CDKN2B-AS1: variants seen among roughly 807,000 people sequenced by gnomAD.
CDKN2B-AS1 encodes the protein CDKN2B antisense RNA 1 (non-protein coding).
At chr9:22,048,240 T>C (rs562090902) in intron 2 of CDKN2B-AS1, among the ~76,000 whole-genome samples, 6 of 152,246 alleles carry the variant, frequency 3.9e-5, no homozygotes, top group Non-Finnish European at 8.8e-5. Context: ...TCAGCAGAAG[T>C]GTGTGCCTCT....
chr9:22,067,163 T>G (rs1334792647), intron 4 of CDKN2B-AS1, among the ~76,000 whole-genome samples: 1 of 152,086 alleles, frequency 6.6e-6, no homozygotes, highest in South Asian at 2.1e-4. Flanking sequence ...TGTATACATA[T>G]GTAATAAACC....
chr9:22,048,926 T>C (rs1823221687), intron 2 of CDKN2B-AS1, among the ~76,000 whole-genome samples: 1 of 152,198 alleles, frequency 6.6e-6, no homozygotes, highest in African/African-American at 2.4e-5. Context: ...GTGAGACAAG[T>C]GAAATAATCC....
At chr9:22,028,580 A>G (rs1822335825) in intron 1 of CDKN2B-AS1, among the ~76,000 whole-genome samples, 1 of 152,178 alleles carries the variant, frequency 6.6e-6, no homozygotes, top group African/African-American at 2.4e-5. Flanking sequence ...ATGTGGTTAT[A>G]TAGCTAGGCA....
chr9:22,047,290 CATT>C (rs1322687288), intron 2 of CDKN2B-AS1, among the ~76,000 whole-genome samples: 25 of 152,134 alleles, frequency 1.6e-4, no homozygotes, highest in African/African-American at 5.8e-4. Flanking sequence ...AGGAGACACT[CATT>C]ATTTGCATCC....
chr9:22,026,696 G>C (rs1250692513), intron 1 of CDKN2B-AS1, among the ~76,000 whole-genome samples: 1 of 152,182 alleles, frequency 6.6e-6, no homozygotes, highest in East Asian at 1.9e-4. Context: ...GTATGTTTGG[G>C]GGTCTAACCT....
intron 4 of CDKN2B-AS1, among the ~76,000 whole-genome samples, chr9:22,102,255 G>A (rs1186433444): frequency 1.3e-5 from 2 of 152,176 alleles, no homozygotes; most frequent in Admixed American, 1.3e-4. Flanking sequence ...GAAACGATCA[G>A]TTTTAGTACT....
chr9:22,078,995 A>G (rs998265831), intron 4 of CDKN2B-AS1, among the ~76,000 whole-genome samples: 1 of 152,220 alleles, frequency 6.6e-6, no homozygotes, highest in Admixed American at 6.5e-5. Context: ...ACCATTATGG[A>G]AGCCTTATCA....
chr9:22,036,450 T>A, intron 1 of CDKN2B-AS1, among the ~76,000 whole-genome samples: 1 of 152,106 alleles, frequency 6.6e-6, no homozygotes, highest in Non-Finnish European at 1.5e-5. Flanking sequence ...ATAACAACAG[T>A]GTGTAAGTTG....
At position 22,099,452 on chromosome 9, in the gene CDKN2B-AS1, G is replaced by A. The variant is rs571440648; in HGVS notation, n.439-27651G>A. Reference sequence around the variant, plus strand: ...GGTTTGATAGCAAGAAACTGTTTGGGAGACTGTTCTAATTACATATTTTCT... The same window carrying A: ...GGTTTGATAGCAAGAAACTGTTTGGAAGACTGTTCTAATTACATATTTTCT... On this transcript the variant is annotated intron_variant and non_coding_transcript_variant, in intron 4 of 4. Coordinates refer to ENST00000650946, the Ensembl canonical transcript of CDKN2B-AS1. 2.6e-5 allele frequency among the ~76,000 whole-genome samples: 4 copies of A among 152,278 alleles called. No individual in the cohort carries two copies. In the South Asian group the frequency reaches 8.3e-4, roughly 32 times the overall value.
intron 1 of CDKN2B-AS1, among the ~76,000 whole-genome samples, chr9:22,028,951 T>G (rs970217964): frequency 6.6e-6 from 1 of 152,144 alleles, no homozygotes; most frequent in African/African-American, 2.4e-5. Flanking sequence ...ATAATACAAT[T>G]TAGCATCTCC....
chr9:22,074,355 G>A (rs1436016622), intron 4 of CDKN2B-AS1, among the ~76,000 whole-genome samples: 2 of 152,118 alleles, frequency 1.3e-5, no homozygotes, highest in Non-Finnish European at 2.9e-5. Flanking sequence ...AAAAAGTCAA[G>A]CCCAATTTAT....
At chr9:22,109,890 C>T (rs943575015) in intron 4 of CDKN2B-AS1, among the ~76,000 whole-genome samples, 1 of 152,108 alleles carries the variant, frequency 6.6e-6, no homozygotes, top group African/African-American at 2.4e-5. Flanking sequence ...TCCCAATGAC[C>T]TCCCATCTTT....
At chr9:22,096,327 G>A (rs180729383) in intron 4 of CDKN2B-AS1, 1 of 152,230 alleles carries the variant, frequency 6.6e-6, no homozygotes, top group Non-Finnish European at 1.5e-5. Context: ...AATGAGATTG[G>A]ACACCATTCG....
intron 4 of CDKN2B-AS1, among the ~76,000 whole-genome samples, chr9:22,097,023 C>T (rs16905644): frequency 0.042 from 6,379 of 152,248 alleles, 306 homozygotes; most frequent in African/African-American, 0.12. Context: ...TCCCACTTCT[C>T]TGGGCTTATG....
intron 1 of CDKN2B-AS1, among the ~76,000 whole-genome samples, chr9:22,022,822 T>C (rs899795135): frequency 6.6e-6 from 1 of 152,230 alleles, no homozygotes; most frequent in African/African-American, 2.4e-5. Context: ...GCAGGTCTGG[T>C]GGTAACTAAT....
intron 3 of CDKN2B-AS1, among the ~76,000 whole-genome samples, chr9:22,055,830 G>A (rs1046833045): frequency 5.3e-5 from 8 of 151,986 alleles, no homozygotes; most frequent in East Asian, 1.9e-4. Context: ...CCAGACACTC[G>A]GCTACATTAT....
intron 4 of CDKN2B-AS1, among the ~76,000 whole-genome samples, chr9:22,126,574 C>CTTT (rs34700018): frequency 0.017 from 1,772 of 104,764 alleles, 103 homozygotes; most frequent in African/African-American, 0.043. Context: ...TAAGTGGATT[C>CTTT]TTTTTTTTTT....
intron 1 of CDKN2B-AS1, among the ~76,000 whole-genome samples, chr9:22,040,018 A>G (rs1822836389): frequency 6.6e-6 from 1 of 152,068 alleles, no homozygotes; most frequent in Non-Finnish European, 1.5e-5. Context: ...AAGTCACAAA[A>G]TTAACAGAAG....
chr9:22,031,079 T>G (rs1338674336), intron 1 of CDKN2B-AS1: 3 of 152,206 alleles, frequency 2.0e-5, no homozygotes, highest in Non-Finnish European at 4.4e-5. Context: ...TGCAATCATT[T>G]GTATATATCA....
Sources: gnomAD v4.1 joint callset for allele counts (sites outside exome capture counted in the v4.1 genomes callset) on GRCh38, gnomAD v4.1.1 for gene constraint, MANE v1.5 for transcripts, NCBI Gene and HGNC (gene_info 2026-07-23, HGNC 2026-07-21) for gene names.